The following EPHA6 variants were observed in gnomAD, a reference collection of about 807,000 sequenced individuals.
EPHA6 encodes the protein ephrin type-A receptor 6.
Under a neutral mutation model 112.0 loss-of-function variants are expected in EPHA6, and 50 were observed. That is an observed-to-expected ratio of 0.45 (90% CI 0.36 to 0.56). The LOEUF (loss-of-function observed/expected upper bound fraction) is 0.56. Ranked by LOEUF, EPHA6 falls within the 20% of genes least tolerant of loss-of-function variation. EPHA6 has a pLI of 0.00. For synonymous variants in EPHA6, 529 were observed against 490.7 expected (o/e 1.08, Z -1.03); for missense variants, 1,280 against 1,417.4 (o/e 0.90, Z 1.56).
intron 3 of EPHA6, among the ~76,000 whole-genome samples, chr3:97,060,863 A>G (rs957370936): frequency 1.9e-4 from 28 of 146,210 alleles, no homozygotes; most frequent in African/African-American, 6.6e-4. Context: ...GGCGGAGCTT[A>G]CAGTGAGCCG....
At chr3:96,867,979 T>C (rs1035656945) in intron 2 of EPHA6, among the ~76,000 whole-genome samples, 6 of 151,952 alleles carry the variant, frequency 3.9e-5, no homozygotes, top group Admixed American at 2.6e-4. Flanking sequence ...TTTATTCTAC[T>C]AGAGCTCTTA....
At position 97,019,851 on chromosome 3, in the gene EPHA6, G is replaced by A. The variant is rs141674324; in HGVS notation, c.1114+31858G>A. Among the ~76,000 whole-genome samples, 17 of 152,130 alleles carry A rather than the reference G, an allele frequency of 1.1e-4. No homozygotes were observed. The East Asian group carries it at 2.7e-3, about 24-fold the overall frequency. On this transcript the variant is annotated intron_variant, in intron 3 of 17. Coordinates refer to ENST00000389672, the MANE Select transcript of EPHA6 (RefSeq NM_001080448.3). Reference sequence around the variant, plus strand: ...TTTTTGCTTTTCTTTGTAAGTTTGTGTCTGTGATGTTTACTGTGTGTAGTA... The same window carrying A: ...TTTTTGCTTTTCTTTGTAAGTTTGTATCTGTGATGTTTACTGTGTGTAGTA...
At chr3:97,133,564 A>G (rs1413956030) in intron 3 of EPHA6, among the ~76,000 whole-genome samples, 1 of 152,024 alleles carries the variant, frequency 6.6e-6, no homozygotes, top group Non-Finnish European at 1.5e-5. Flanking sequence ...TAAAATTATC[A>G]TAAAATATCC....
At chr3:97,047,011 C>A (rs2045530457) in intron 3 of EPHA6, among the ~76,000 whole-genome samples, 1 of 151,900 alleles carries the variant, frequency 6.6e-6, no homozygotes, top group South Asian at 2.1e-4. Flanking sequence ...TCCATATGTA[C>A]CCTATCATCA....
chr3:96,919,490 T>G (rs1204034518), intron 2 of EPHA6, among the ~76,000 whole-genome samples: 1 of 151,924 alleles, frequency 6.6e-6, no homozygotes, highest in Non-Finnish European at 1.5e-5. Context: ...TGTCTCTTGC[T>G]TAAAAATGAC....
At chr3:97,507,492 C>A (rs371423662) in intron 10 of EPHA6, among the ~76,000 whole-genome samples, 1 of 152,130 alleles carries the variant, frequency 6.6e-6, no homozygotes, top group Non-Finnish European at 1.5e-5. Context: ...ATTAAACCAG[C>A]CTTGCATCCC....
At chr3:97,520,260 C>A (rs2107616618) in intron 10 of EPHA6, among the ~76,000 whole-genome samples, 1 of 152,272 alleles carries the variant, frequency 6.6e-6, no homozygotes, top group South Asian at 2.1e-4. Context: ...AACCACCGCA[C>A]CCAGCTGTAG....
At chr3:97,333,535 G>A (rs1215645553) in intron 5 of EPHA6, among the ~76,000 whole-genome samples, 4 of 143,216 alleles carry the variant, frequency 2.8e-5, no homozygotes. Flanking sequence ...GTGCGGTGGT[G>A]CAATCATGGC....
intron 2 of EPHA6, among the ~76,000 whole-genome samples, chr3:96,946,910 T>C (rs994871243): frequency 6.6e-5 from 10 of 152,218 alleles, no homozygotes; most frequent in Non-Finnish European, 1.0e-4. Context: ...TTGCTTTGCA[T>C]TTCTCTGATG....
chr3:96,960,031 A>G (rs368311469), intron 2 of EPHA6, among the ~76,000 whole-genome samples: 146 of 152,230 alleles, frequency 9.6e-4, no homozygotes, highest in African/African-American at 3.4e-3. Context: ...CCTGGAACCT[A>G]ACCATAAACA....
At chr3:96,990,999 T>TG (rs2043195693) in intron 3 of EPHA6, among the ~76,000 whole-genome samples, 1 of 151,792 alleles carries the variant, frequency 6.6e-6, no homozygotes, top group Non-Finnish European at 1.5e-5. Context: ...CAGTATTGAT[T>TG]TTTTTTTAGA....
chr3:97,623,765 C>T (rs566239265), intron 13 of EPHA6, among the ~76,000 whole-genome samples: 115 of 151,710 alleles, frequency 7.6e-4, no homozygotes, highest in Middle Eastern at 3.4e-3. Context: ...GTATTAGATT[C>T]CAGCATATGA....
chr3:97,316,519 TCC>T (rs1483949933), intron 5 of EPHA6, among the ~76,000 whole-genome samples: 1 of 151,848 alleles, frequency 6.6e-6, no homozygotes, highest in Non-Finnish European at 1.5e-5. Context: ...ATTCTGATGA[TCC>T]CCTTAAGAGC....
chr3:97,344,439 C>T (rs1444888782), intron 5 of EPHA6, among the ~76,000 whole-genome samples: 1 of 152,078 alleles, frequency 6.6e-6, no homozygotes, highest in Non-Finnish European at 1.5e-5. Context: ...GGGATTAGTG[C>T]CCTTATAAGA....
intron 3 of EPHA6, among the ~76,000 whole-genome samples, chr3:97,211,757 A>G (rs796146562): frequency 3.3e-5 from 5 of 152,344 alleles, no homozygotes; most frequent in African/African-American, 1.2e-4. Context: ...CCTATTCTAC[A>G]GAAGTGAAAA....
intron 6 of EPHA6, among the ~76,000 whole-genome samples, chr3:97,427,770 A>C (rs1378203751): frequency 6.6e-6 from 1 of 152,142 alleles, no homozygotes; most frequent in East Asian, 1.9e-4. Context: ...CCTTTGCAGC[A>C]ACAGGGGTGG....
intron 12 of EPHA6, among the ~76,000 whole-genome samples, chr3:97,604,895 G>A (rs954039177): frequency 1.3e-5 from 2 of 151,530 alleles, no homozygotes; most frequent in African/African-American, 4.8e-5. Context: ...TCTTATGTGT[G>A]TGTTTCTTCT....
intron 5 of EPHA6, among the ~76,000 whole-genome samples, chr3:97,295,338 CT>C (rs2080836724): frequency 6.6e-6 from 1 of 151,546 alleles, no homozygotes; most frequent in South Asian, 2.1e-4. Context: ...ATTCTTTCTT[CT>C]GCTTGATCCA....
rs2093654018 is a variant in EPHA6 at position 97,602,917 on chromosome 3, G to GT, written c.2513-7869dup. Among the ~76,000 whole-genome samples the GT allele has an allele frequency of 2.2e-5, 3 of 137,482 alleles. No homozygotes were observed. The South Asian group carries it at 6.6e-4, about 30-fold the overall frequency. 90.2% of individuals were successfully genotyped at this position (137,482 alleles called of 152,430 possible). On this transcript the variant is annotated intron_variant, in intron 12 of 17. Transcript: ENST00000389672. ...TCAAGATATGAAAATTCCTTGCTGT[G>GT]TTTTTTTATTGCTTCCTAATAGTAA...
Sources: gnomAD v4.1 joint callset for allele counts (sites outside exome capture counted in the v4.1 genomes callset) on GRCh38, gnomAD v4.1.1 for gene constraint, MANE v1.5 for transcripts, NCBI Gene and HGNC (gene_info 2026-07-23, HGNC 2026-07-21) for gene names.